MAGI2: variants seen among roughly 807,000 people sequenced by gnomAD.
MAGI2 encodes membrane-associated guanylate kinase, WW and PDZ domain-containing protein 2.
Under a neutral mutation model 133.3 loss-of-function variants are expected in MAGI2, and 35 were observed. The ratio of observed to expected loss-of-function variants is 0.26; its 90% CI spans 0.20 to 0.35. The LOEUF (loss-of-function observed/expected upper bound fraction) is 0.35. MAGI2 is among the 10% of genes least tolerant of loss of function. MAGI2 has a pLI of 1.00. For synonymous variants in MAGI2, 729 were observed against 710.6 expected (o/e 1.03, Z -0.41); for missense variants, 1,636 against 1,863.4 (o/e 0.88, Z 2.25).
chr7:79,334,259 T>C (rs1406954489), intron 1 of MAGI2, among the ~76,000 whole-genome samples: 1 of 152,192 alleles, frequency 6.6e-6, no homozygotes, highest in Non-Finnish European at 1.5e-5. Context: ...TTACATAATA[T>C]AATGCATTTC....
intron 1 of MAGI2, among the ~76,000 whole-genome samples, chr7:79,449,030 A>T (rs1050458884): frequency 6.6e-6 from 1 of 152,278 alleles, no homozygotes; most frequent in African/African-American, 2.4e-5. Flanking sequence ...AACTGATCAA[A>T]ATGTTTAAAC....
intron 1 of MAGI2, among the ~76,000 whole-genome samples, chr7:79,397,585 C>G (rs1185581817): frequency 6.6e-6 from 1 of 152,060 alleles, no homozygotes; most frequent in African/African-American, 2.4e-5. Context: ...CATAAGTGTA[C>G]TGGTCTCCCC....
intron 2 of MAGI2, among the ~76,000 whole-genome samples, chr7:78,987,422 C>T (rs116845844): frequency 0.011 from 1,682 of 152,126 alleles, 14 homozygotes; most frequent in Non-Finnish European, 0.017. Flanking sequence ...CTAATGCTTT[C>T]TAGTCCTTGT....
At position 78,042,549 on chromosome 7, in the gene MAGI2, G is replaced by A. The variant is rs371686431; in HGVS notation, c.3707-22573C>T. Among the ~76,000 whole-genome samples the A allele has an allele frequency of 7.2e-5, 11 of 152,288 alleles. No homozygotes were observed. The East Asian group carries it at 9.6e-4, about 13-fold the overall frequency. ...ACTGCCCAGCTTCTAGTCCTTGATC[G>A]TGCTCCCTGACCAAGCAGGTCACCT... On this transcript the variant is annotated intron_variant, in intron 21 of 21. Transcript: ENST00000354212.
intron 2 of MAGI2, among the ~76,000 whole-genome samples, chr7:78,746,313 C>G (rs993191167): frequency 2.0e-5 from 3 of 152,300 alleles, no homozygotes; most frequent in Admixed American, 6.5e-5. Flanking sequence ...GTAATACTAA[C>G]GAAGTCAAAT....
chr7:78,370,506 CTA>C (rs762778773), intron 6 of MAGI2, among the ~76,000 whole-genome samples: 12 of 151,906 alleles, frequency 7.9e-5, no homozygotes, highest in Non-Finnish European at 1.2e-4. Flanking sequence ...TATCATATTT[CTA>C]TAATATAGTA....
intron 4 of MAGI2, among the ~76,000 whole-genome samples, chr7:78,511,365 C>T (rs1795546429): frequency 6.6e-6 from 1 of 151,770 alleles, no homozygotes; most frequent in Non-Finnish European, 1.5e-5. Flanking sequence ...AGCAGTCACG[C>T]ATTCTACACA....
chr7:78,542,099 T>G (rs1009624561), intron 3 of MAGI2, among the ~76,000 whole-genome samples: 3 of 152,226 alleles, frequency 2.0e-5, no homozygotes, highest in African/African-American at 7.2e-5. Flanking sequence ...AAACATTATT[T>G]ATGATACTAA....
At chr7:78,641,714 A>G (rs1810332532) in intron 2 of MAGI2, among the ~76,000 whole-genome samples, 1 of 152,204 alleles carries the variant, frequency 6.6e-6, no homozygotes, top group Non-Finnish European at 1.5e-5. Flanking sequence ...AACTTCTTCA[A>G]AACAACCAAC....
chr7:79,124,437 TTTG>T (rs1428492193), intron 1 of MAGI2, among the ~76,000 whole-genome samples: 1 of 152,200 alleles, frequency 6.6e-6, no homozygotes, highest in Non-Finnish European at 1.5e-5. Context: ...AGGTAGTTAT[TTTG>T]TCTAAAGTCA....
In MAGI2 at chr7:78,627,243, A is replaced by G; in HGVS notation, c.419-4T>C. 6.5e-7 allele frequency: 1 copy of G among 1,533,086 alleles called. No homozygotes were observed. The highest frequency in any genetic ancestry group is 8.7e-7 in the Non-Finnish European group (1 of 1,145,338). The allele number at this position is 1,533,086 out of a possible 1,614,324, so 95.0% of individuals were successfully genotyped here. On this transcript the variant is annotated splice_polypyrimidine_tract_variant and splice_region_variant and intron_variant, in intron 2 of 21. Coordinates refer to ENST00000354212, the MANE Select transcript of MAGI2 (RefSeq NM_012301.4). ...TCCTTATGTGGCCTTGTGGTGCCTGAATAAAGAAAAGTAAAAACAAAAGAA... is the reference window on the plus strand; with the variant it reads ...TCCTTATGTGGCCTTGTGGTGCCTGGATAAAGAAAAGTAAAAACAAAAGAA...
chr7:78,738,839 G>C (rs867302336), intron 2 of MAGI2, among the ~76,000 whole-genome samples: 56 of 152,182 alleles, frequency 3.7e-4, no homozygotes, highest in African/African-American at 1.2e-3. Flanking sequence ...GAAGAAATCT[G>C]TAGCATGGCA....
intron 3 of MAGI2, among the ~76,000 whole-genome samples, chr7:78,529,019 TAAC>T (rs950939840): frequency 1.3e-5 from 2 of 152,154 alleles, no homozygotes; most frequent in African/African-American, 4.8e-5. Context: ...GAATTATTCT[TAAC>T]AAACCCCACC....
chr7:78,491,769 T>C (rs1413557925), intron 5 of MAGI2, among the ~76,000 whole-genome samples: 4 of 152,014 alleles, frequency 2.6e-5, no homozygotes, highest in South Asian at 2.1e-4. Flanking sequence ...GTTCTGACTA[T>C]TCCTAATGTG....
chr7:79,089,337 C>T (rs1171870241), intron 1 of MAGI2, among the ~76,000 whole-genome samples: 2 of 152,128 alleles, frequency 1.3e-5, no homozygotes, highest in East Asian at 3.9e-4. Context: ...GAAATATGAA[C>T]GTTTTTACAC....
chr7:78,914,825 G>A (rs1390619688), intron 2 of MAGI2, among the ~76,000 whole-genome samples: 1 of 152,062 alleles, frequency 6.6e-6, no homozygotes, highest in Non-Finnish European at 1.5e-5. Flanking sequence ...AGGACAAAAT[G>A]TAGCAGGGGC....
chr7:78,993,907 C>T (rs1459414817), intron 2 of MAGI2, among the ~76,000 whole-genome samples: 2 of 151,980 alleles, frequency 1.3e-5, no homozygotes, highest in Non-Finnish European at 2.9e-5. Context: ...ATGAATGGCT[C>T]CCTAATGGTT....
chr7:79,131,872 C>A (rs544445221), intron 1 of MAGI2, among the ~76,000 whole-genome samples: 16 of 151,862 alleles, frequency 1.1e-4, no homozygotes, highest in Middle Eastern at 3.4e-3. Context: ...ATAGCCGTAC[C>A]CTTTCAAATA....
intron 9 of MAGI2, among the ~76,000 whole-genome samples, chr7:78,310,394 C>T (rs572069784): frequency 1.5e-4 from 23 of 152,232 alleles, no homozygotes; most frequent in Admixed American, 1.4e-3. Flanking sequence ...GAGATCACGT[C>T]ACTGCACTCC....
Sources: gnomAD v4.1 joint callset for allele counts (sites outside exome capture counted in the v4.1 genomes callset) on GRCh38, gnomAD v4.1.1 for gene constraint, MANE v1.5 for transcripts, NCBI Gene and HGNC (gene_info 2026-07-23, HGNC 2026-07-21) for gene names.